The following PGCKA1 variants were observed in gnomAD, a reference collection of about 807,000 sequenced individuals.
PGCKA1 encodes the protein PDCD10 and GCKIII kinases-associated protein 1.
chr4:37,522,657 T>C, the PGCKA1 span, among the ~76,000 whole-genome samples: 1 of 151,956 alleles, frequency 6.6e-6, no homozygotes, highest in African/African-American at 2.4e-5. Flanking sequence ...TCACTACTGA[T>C]CATTCAGGGG....
the PGCKA1 span, among the ~76,000 whole-genome samples, chr4:37,552,445 G>A: frequency 1.3e-5 from 2 of 152,176 alleles, no homozygotes; most frequent in East Asian, 1.9e-4. Context: ...GAGAGGTTTT[G>A]CCTGTGGCTC....
the PGCKA1 span, among the ~76,000 whole-genome samples, chr4:37,587,269 T>C: frequency 3.3e-5 from 5 of 152,188 alleles, no homozygotes; most frequent in African/African-American, 1.2e-4. Flanking sequence ...TTGTACCATC[T>C]GAAAATCCTA....
At chr4:37,464,929 G>C in the PGCKA1 span, among the ~76,000 whole-genome samples, 2 of 152,210 alleles carry the variant, frequency 1.3e-5, no homozygotes, top group Non-Finnish European at 2.9e-5. Flanking sequence ...CACAGAGAAA[G>C]CAGAACTTAT....
the PGCKA1 span, chr4:37,453,851 G>T: frequency 6.6e-6 from 1 of 152,324 alleles, no homozygotes; most frequent in African/African-American, 2.4e-5. Flanking sequence ...ACGCGTGTCG[G>T]GAAGGCTCAC....
the PGCKA1 span, among the ~76,000 whole-genome samples, chr4:37,507,510 T>C: frequency 2.2e-4 from 33 of 152,280 alleles, no homozygotes; most frequent in African/African-American, 7.7e-4. Flanking sequence ...TAGTCTAAGC[T>C]GATAACAACA....
At chr4:37,515,288 G>A in the PGCKA1 span, among the ~76,000 whole-genome samples, 1 of 152,104 alleles carries the variant, frequency 6.6e-6, no homozygotes, top group Admixed American at 6.5e-5. Context: ...CCAACCTCCA[G>A]AATTGTGAGA....
the PGCKA1 span, among the ~76,000 whole-genome samples, chr4:37,459,564 T>G: frequency 6.6e-6 from 1 of 152,196 alleles, no homozygotes; most frequent in Admixed American, 6.5e-5. Flanking sequence ...AATAAGCCAG[T>G]AAGCTTTGGT....
At chr4:37,542,548 C>T in the PGCKA1 span, among the ~76,000 whole-genome samples, 319 of 151,516 alleles carry the variant, frequency 2.1e-3, 2 homozygotes, top group African/African-American at 7.3e-3. Flanking sequence ...TCAGCACTAT[C>T]CAATAGAACT....
the PGCKA1 span, among the ~76,000 whole-genome samples, chr4:37,476,170 G>T: frequency 6.6e-6 from 1 of 152,014 alleles, no homozygotes; most frequent in East Asian, 1.9e-4. Flanking sequence ...AACTGGTCTC[G>T]TTCTTGCAAG....
chr4:37,580,179 G>A, the PGCKA1 span, among the ~76,000 whole-genome samples: 1 of 151,660 alleles, frequency 6.6e-6, no homozygotes, highest in African/African-American at 2.4e-5. Flanking sequence ...TTCCTTCTCT[G>A]TGGTATCTTG....
chr4:37,454,125 T>C, the PGCKA1 span: 1 of 152,994 alleles, frequency 6.5e-6, no homozygotes, highest in Non-Finnish European at 1.5e-5. Flanking sequence ...CCCCCACTTC[T>C]CTCCGAGTCG....
At chr4:37,588,957 C>T in the PGCKA1 span, 1 of 1,285,682 alleles carries the variant, frequency 7.8e-7, no homozygotes, top group Middle Eastern at 1.8e-4. Context: ...CGTGGGGTCA[C>T]TTTTAAAGAC....
chr4:37,503,088 C>G, the PGCKA1 span, among the ~76,000 whole-genome samples: 1 of 152,206 alleles, frequency 6.6e-6, no homozygotes, highest in Non-Finnish European at 1.5e-5. Context: ...CTCTGCATAG[C>G]TGGTATGCTG....
the PGCKA1 span, among the ~76,000 whole-genome samples, chr4:37,579,718 C>T: frequency 6.6e-6 from 1 of 152,206 alleles, no homozygotes; most frequent in Non-Finnish European, 1.5e-5. Context: ...TATCCTTGAC[C>T]TTTGGGAGTT....
chr4:37,584,272 A>C, the PGCKA1 span: 1 of 152,234 alleles, frequency 6.6e-6, no homozygotes, highest in Non-Finnish European at 1.5e-5. Context: ...TCTGATCTAG[A>C]GAAGGAATGT....
the PGCKA1 span, among the ~76,000 whole-genome samples, chr4:37,459,874 C>T: frequency 4.9e-4 from 72 of 148,414 alleles, no homozygotes; most frequent in African/African-American, 1.6e-3. Flanking sequence ...ATGTGCAGAA[C>T]GTGCAGGTTT....
the PGCKA1 span, among the ~76,000 whole-genome samples, chr4:37,519,447 T>C: frequency 6.6e-6 from 1 of 152,174 alleles, no homozygotes; most frequent in Non-Finnish European, 1.5e-5. Context: ...CTTTCACCAA[T>C]GTTTTATAGT....
chr4:37,590,566 A>G, the PGCKA1 span: 2 of 1,614,184 alleles, frequency 1.2e-6, no homozygotes, highest in Non-Finnish European at 1.7e-6. Context: ...TGAGGCAGAA[A>G]GTTTTGCCTT....
At chr4:37,523,613 T>C in the PGCKA1 span, among the ~76,000 whole-genome samples, 2,368 of 152,294 alleles carry the variant, frequency 0.016, 60 homozygotes, top group African/African-American at 0.054. Flanking sequence ...GGGAAGGTTA[T>C]ACGCTGTCTG....
Sources: allele counts gnomAD v4.1 joint callset (sites outside exome capture counted in the v4.1 genomes callset), GRCh38; gene constraint gnomAD v4.1.1; transcripts MANE v1.5; gene names NCBI Gene and HGNC (gene_info 2026-07-23, HGNC 2026-07-21).